Variants in STN1 observed in about 807,000 individuals in gnomAD.
The protein encoded by STN1 is CST complex subunit STN1.
A neutral mutation model predicts 45.5 loss-of-function variants in STN1; 29 were observed. That is an observed-to-expected ratio of 0.64 (90% CI 0.47 to 0.87). The LOEUF (loss-of-function observed/expected upper bound fraction) is 0.87, where lower values mean the gene tolerates loss of function less well. STN1 is among the 40% of genes least tolerant of loss of function. The probability of loss-of-function intolerance (pLI) is 0.00; values close to 1 mark genes in which losing one functional copy is unlikely to be tolerated. For missense variants in STN1, 376 were observed against 441.4 expected, an observed-to-expected ratio of 0.85 and a Z score of 1.33; for synonymous variants, 148 against 159.0, an observed-to-expected ratio of 0.93 and a Z score of 0.52.
intron 7 of STN1, among the ~76,000 whole-genome samples, chr10:103,895,730 A>G (rs917502283): frequency 6.6e-6 from 1 of 152,216 alleles, no homozygotes; most frequent in Non-Finnish European, 1.5e-5. Flanking sequence ...GGAAGTCAGG[A>G]TGTGACTCAG....
chr10:103,898,703 A>G (rs1236793330), intron 6 of STN1, among the ~76,000 whole-genome samples, 174 bp downstream of exon 6: 1 of 152,076 alleles, frequency 6.6e-6, no homozygotes, highest in Non-Finnish European at 1.5e-5. Context: ...TATTCTCTTC[A>G]TGTTACAGTT....
At chr10:103,907,751 T>C (rs1006829421) in intron 3 of STN1, among the ~76,000 whole-genome samples, 1 of 151,958 alleles carries the variant, frequency 6.6e-6, no homozygotes, top group Non-Finnish European at 1.5e-5. Flanking sequence ...CATTTTGCGT[T>C]AAAAAAATGC....
At chr10:103,886,385 G>A (rs1041052056) in intron 9 of STN1, among the ~76,000 whole-genome samples, 1 of 146,208 alleles carries the variant, frequency 6.8e-6, no homozygotes, top group Non-Finnish European at 1.5e-5. Flanking sequence ...GGTGTTTATT[G>A]TACCAGTCTT....
intron 4 of STN1, 97 bp downstream of exon 4, chr10:103,904,994 A>C: frequency 1.9e-6 from 2 of 1,033,506 alleles, no homozygotes; most frequent in Non-Finnish European, 3.0e-6. Context: ...CCAGCAGATA[A>C]ATGTGAAAAT....
Position 103,882,777 on chromosome 10 carries a change from G to A in STN1, c.1014C>T (p.Gly338=). 6.2e-7 allele frequency: 1 copy of A among 1,614,178 alleles called. No individual in the cohort carries two copies. The highest frequency in any genetic ancestry group is 8.5e-7 in the Non-Finnish European group (1 of 1,180,044). The stretch of plus-strand genomic sequence containing the variant: ...CTTGCTGCAGCACAGCCTCGCTCAG[G>A]CCCGGGCGGATGCTCAGGCGAGCAC... ...LACARLSIRP[G]LSEAVLQQVL... The change falls in exon 10 of 10, where the codon GGC becomes GGT. Residue 338 remains glycine (G), a synonymous_variant. Transcript: ENST00000224950.
chr10:103,907,009 G>C (rs553933190), intron 3 of STN1, among the ~76,000 whole-genome samples: 1 of 152,060 alleles, frequency 6.6e-6, no homozygotes, highest in Non-Finnish European at 1.5e-5. Context: ...CTGCTACTTG[G>C]GGGGCTGAGG....
At chr10:103,916,188 T>A (rs9419958) in intron 2 of STN1, among the ~76,000 whole-genome samples, 1 of 152,084 alleles carries the variant, frequency 6.6e-6, no homozygotes, top group Non-Finnish European at 1.5e-5. Context: ...CAAAGATCAC[T>A]GGTCCTGTTT....
At chr10:103,900,984 A>G (rs558616614) in intron 4 of STN1, among the ~76,000 whole-genome samples, 1 of 152,274 alleles carries the variant, frequency 6.6e-6, no homozygotes, top group East Asian at 1.9e-4. Context: ...GCTCATTATT[A>G]GTCCCATTTT....
Position 103,882,750 on chromosome 10 carries a change from A to T in STN1, c.1041T>A (p.Val347=). The T allele has an allele frequency of 6.2e-7, 1 of 1,614,234 alleles. No homozygotes were observed. The highest frequency in any genetic ancestry group is 8.5e-7 in the Non-Finnish European group (1 of 1,180,052). ...CACTCTGGTCCTCCAGGAGCTCCAG[A>T]ACTTGCTGCAGCACAGCCTCGCTCA... ...PGLSEAVLQQ[V]LELLEDQSDI... Residue 347 remains valine, a synonymous_variant, in exon 10 of 10, where the codon GTT becomes GTA. Transcript: ENST00000224950.
At chr10:103,892,789 C>G (rs930951258) in intron 7 of STN1, among the ~76,000 whole-genome samples, 1 of 152,192 alleles carries the variant, frequency 6.6e-6, no homozygotes, top group Admixed American at 6.5e-5. Flanking sequence ...AGACAGCAGT[C>G]CTGGTGAAGC....
intron 8 of STN1, among the ~76,000 whole-genome samples, chr10:103,891,201 A>G (rs1263855297): frequency 6.6e-6 from 1 of 152,220 alleles, no homozygotes; most frequent in Non-Finnish European, 1.5e-5. Context: ...CAGCAACACC[A>G]TTTGTGACAG....
intron 2 of STN1, among the ~76,000 whole-genome samples, chr10:103,914,515 T>C (rs576619758): frequency 1.2e-4 from 18 of 151,204 alleles, no homozygotes; most frequent in Non-Finnish European, 2.4e-4. Flanking sequence ...ACTGGGACCA[T>C]AGGTACTGCT....
Position 103,882,812 on chromosome 10 carries a change from T to C in STN1, c.979A>G (p.Ile327Val), listed in dbSNP as rs763936289. The C allele has an allele frequency of 4.3e-6, 7 of 1,613,646 alleles. No individual in the cohort carries two copies. Among genetic ancestry groups the C allele is most frequent in the Non-Finnish European group, 5.9e-6 (7 of 1,179,826 alleles). Residue 327 changes from isoleucine to valine, a missense_variant, in exon 10 of 10, where the codon ATC (isoleucine) becomes GTC (valine). Coordinates refer to ENST00000224950, the MANE Select transcript of STN1 (RefSeq NM_024928.5). Reference sequence around the variant, plus strand: ...ATGCTCAGGCGAGCACAGGCCAAGATGTGCAGGAAGTGACAGCCCTTCTCC... The same window carrying C: ...ATGCTCAGGCGAGCACAGGCCAAGACGTGCAGGAAGTGACAGCCCTTCTCC... ...HMEKGCHFLH[I>V]LACARLSIRP...
chr10:103,916,331 T>C (rs995690749), intron 2 of STN1, among the ~76,000 whole-genome samples: 2 of 152,214 alleles, frequency 1.3e-5, no homozygotes, highest in South Asian at 4.1e-4. Context: ...TGTGAATTAA[T>C]TTCTTCCTGA....
chr10:103,913,255 T>C (rs549676041), intron 2 of STN1, among the ~76,000 whole-genome samples: 1 of 152,338 alleles, frequency 6.6e-6, no homozygotes, highest in South Asian at 2.1e-4. Flanking sequence ...TCCAATGGTA[T>C]CAACTTTGTA....
chr10:103,891,741 C>T (rs565447919), intron 8 of STN1, among the ~76,000 whole-genome samples: 15 of 152,280 alleles, frequency 9.9e-5, no homozygotes, highest in South Asian at 8.3e-4. Context: ...AGTTATCTCT[C>T]GGTATACTCA....
chr10:103,898,619 G>A (rs1477695644), intron 6 of STN1, among the ~76,000 whole-genome samples: 1 of 152,088 alleles, frequency 6.6e-6, no homozygotes, highest in Non-Finnish European at 1.5e-5. Context: ...CTCTGCTCCT[G>A]CCTCCACTCC....
At chr10:103,883,376 G>A (rs2067832) in intron 9 of STN1, among the ~76,000 whole-genome samples, 67,290 of 151,546 alleles carry the variant, frequency 0.44, 15,651 homozygotes, top group Non-Finnish European at 0.5. Flanking sequence ...TGTGATGGTT[G>A]TATTCCTAGT....
chr10:103,905,279 C>T (rs1843233583), intron 3 of STN1, 123 bp from the exon 4 acceptor site: 4 of 819,472 alleles, frequency 4.9e-6, no homozygotes, highest in Non-Finnish European at 8.3e-6. Context: ...AAGCAAATCC[C>T]TTATCAAACT....
Sources: gnomAD v4.1 joint callset for allele counts (sites outside exome capture counted in the v4.1 genomes callset) on GRCh38, gnomAD v4.1.1 for gene constraint, MANE v1.5 for transcripts, NCBI Gene and HGNC (gene_info 2026-07-23, HGNC 2026-07-21) for gene names.